MCC: variants seen among roughly 807,000 people sequenced by gnomAD.
MCC encodes MCC regulator of Wnt signaling pathway, also known as colorectal mutant cancer protein.
A neutral mutation model predicts 116.2 loss-of-function variants in MCC; 90 were observed. The observed-to-expected ratio is 0.77, with a 90% CI of 0.65 to 0.92. MCC has a LOEUF of 0.92. Among genes scored for constraint, MCC ranks in the 40% least tolerant of loss-of-function variants. The pLI is 0.00. For synonymous variants in MCC, 578 were observed against 510.5 expected (o/e 1.13, Z -1.78); for missense variants, 1,516 against 1,312.2 (o/e 1.16, Z -2.40).
In MCC at chr5:113,237,011, A is replaced by ATTT. The variant is rs551071637; in HGVS notation, c.628-85590_628-85589insAAA. ...ACTCTGTCAAGTTGAAAAAATTGAG[A>ATTT]AGGAAAGTGGCAACGGGGCTCCTGA... is the stretch of plus-strand genomic sequence containing the variant. On this transcript the variant is annotated intron_variant, in intron 3 of 18. Transcript: ENST00000408903. Among the ~76,000 whole-genome samples, 169 of 152,326 alleles carry ATTT rather than the reference A, an allele frequency of 1.1e-3. 1 individual carries two copies. Among genetic ancestry groups the ATTT allele is most frequent in the African/African-American group, 3.8e-3 (159 of 41,580 alleles).
intron 1 of MCC, among the ~76,000 whole-genome samples, chr5:113,486,419 C>A (rs1278493618): frequency 2.0e-5 from 3 of 152,190 alleles, no homozygotes; most frequent in African/African-American, 7.2e-5. Flanking sequence ...CGGGTAGAAT[C>A]ACCGAAAATA....
rs889943948 is a variant in MCC at position 113,131,950 on chromosome 5, A to G, written c.885-9124T>C. On this transcript the variant is annotated intron_variant, in intron 5 of 18. Coordinates refer to ENST00000408903, the MANE Select transcript of MCC (RefSeq NM_001085377.2). The stretch of plus-strand genomic sequence containing the variant: ...ACCAACCATATGCACCCTCTTATCC[A>G]TACCACAATTTCTAAATCGCAATAG... Among the ~76,000 whole-genome samples, 5 of 152,160 alleles carry G rather than the reference A, an allele frequency of 3.3e-5. No homozygotes were observed. In the South Asian group the frequency reaches 1.0e-3, roughly 32 times the overall value.
rs962154965 is a variant in MCC, at chr5:113,260,591, T to C, written c.627+79928A>G. Among the ~76,000 whole-genome samples the C allele has an allele frequency of 3.9e-5, 6 of 152,138 alleles. No homozygotes were observed. The South Asian group carries it at 1.0e-3, about 26-fold the overall frequency. On this transcript the variant is annotated intron_variant, in intron 3 of 18. Transcript: ENST00000408903. ...TGCTTTTTAGTAGTTAATTACAATA[T>C]GGAATATGAAATCTGACAAACTTTC...
intron 1 of MCC, chr5:113,448,356 G>A (rs1378554953): frequency 2.0e-5 from 3 of 152,124 alleles, no homozygotes; most frequent in Non-Finnish European, 2.9e-5. Context: ...TGAAAATATC[G>A]TGCTTCCAGA....
At chr5:113,209,726 G>A (rs1763051055) in intron 3 of MCC, among the ~76,000 whole-genome samples, 1 of 152,184 alleles carries the variant, frequency 6.6e-6, no homozygotes, top group Non-Finnish European at 1.5e-5. Context: ...CAGTGGGTCA[G>A]GAGCCTTCCA....
intron 1 of MCC, among the ~76,000 whole-genome samples, chr5:113,396,659 A>G (rs1418908027): frequency 6.6e-6 from 1 of 152,146 alleles, no homozygotes; most frequent in Non-Finnish European, 1.5e-5. Flanking sequence ...AGATAAAATA[A>G]AATAGATTAT....
At chr5:113,467,246 T>C (rs1047478315) in intron 1 of MCC, among the ~76,000 whole-genome samples, 1 of 151,372 alleles carries the variant, frequency 6.6e-6, no homozygotes, top group African/African-American at 2.4e-5. Flanking sequence ...GTTTTAGACA[T>C]GAAGTCCTTG....
At chr5:113,078,111 G>A (rs1471324297) in intron 11 of MCC, among the ~76,000 whole-genome samples, 1 of 152,204 alleles carries the variant, frequency 6.6e-6, no homozygotes, top group Admixed American at 6.5e-5. Flanking sequence ...CCGGGAAGGA[G>A]TTGAATCCCT....
chr5:113,111,475 G>C (rs1314805344), intron 6 of MCC, among the ~76,000 whole-genome samples: 1 of 152,282 alleles, frequency 6.6e-6, no homozygotes, highest in East Asian at 1.9e-4. Flanking sequence ...TGAGCTCCTG[G>C]GATAGGCCTC....
intron 17 of MCC, among the ~76,000 whole-genome samples, chr5:113,042,716 G>C (rs1369330910): frequency 6.6e-6 from 1 of 151,750 alleles, no homozygotes; most frequent in African/African-American, 2.4e-5. Context: ...TTGAGAACTT[G>C]AAATGTCTGA....
At chr5:113,298,221 G>A (rs1401648351) in intron 3 of MCC, among the ~76,000 whole-genome samples, 1 of 152,220 alleles carries the variant, frequency 6.6e-6, no homozygotes. Context: ...AAGAGGAAAT[G>A]ATACAGAAGG....
chr5:113,327,564 AT>A (rs1477480484), intron 3 of MCC, among the ~76,000 whole-genome samples: 2,211 of 80,276 alleles, frequency 0.028, 23 homozygotes, highest in African/African-American at 0.036. Flanking sequence ...AAAAAAAAAT[AT>A]ATATATATAT....
At chr5:113,340,473 T>C in intron 3 of MCC, 46 bp downstream of exon 3, 2 of 1,522,048 alleles carry the variant, frequency 1.3e-6, no homozygotes, top group Non-Finnish European at 1.8e-6. Flanking sequence ...TGTATTGGAA[T>C]ACAGACAGGC....
intron 3 of MCC, among the ~76,000 whole-genome samples, chr5:113,242,538 GT>G (rs72062039): frequency 0.094 from 14,128 of 150,198 alleles, 907 homozygotes; most frequent in Non-Finnish European, 0.12. Flanking sequence ...TTAATTATTA[GT>G]TTTTTTTTTA....
At chr5:113,108,014 G>A (rs1175227896) in intron 6 of MCC, among the ~76,000 whole-genome samples, 2 of 152,102 alleles carry the variant, frequency 1.3e-5, no homozygotes. Flanking sequence ...CAAGGCCACT[G>A]CCCCACCTCT....
At chr5:113,450,648 C>T (rs1202285913) in intron 1 of MCC, among the ~76,000 whole-genome samples, 1 of 152,186 alleles carries the variant, frequency 6.6e-6, no homozygotes, top group Non-Finnish European at 1.5e-5. Context: ...TTTCCACTTC[C>T]CTCTTTAGAG....
chr5:113,093,583 G>A (rs954556389), intron 8 of MCC, among the ~76,000 whole-genome samples: 1 of 152,084 alleles, frequency 6.6e-6, no homozygotes, highest in African/African-American at 2.4e-5. Context: ...TTTGGCCCTA[G>A]AGCTGTCAAA....
intron 2 of MCC, among the ~76,000 whole-genome samples, chr5:113,375,595 T>A (rs942415161): frequency 6.6e-6 from 1 of 152,170 alleles, no homozygotes; most frequent in Non-Finnish European, 1.5e-5. Flanking sequence ...ACTATAGTCA[T>A]CTGGTAGCTT....
chr5:113,093,721 C>T (rs1561803349), intron 8 of MCC, among the ~76,000 whole-genome samples: 1 of 151,954 alleles, frequency 6.6e-6, no homozygotes, highest in Non-Finnish European at 1.5e-5. Context: ...TGTGGGAGCA[C>T]AGACAAGAGT....
Sources: allele counts gnomAD v4.1 joint callset (sites outside exome capture counted in the v4.1 genomes callset), GRCh38; gene constraint gnomAD v4.1.1; transcripts MANE v1.5; gene names NCBI Gene and HGNC (gene_info 2026-07-23, HGNC 2026-07-21).